CHST8: variants seen among roughly 807,000 people sequenced by gnomAD.
CHST8 encodes the protein carbohydrate sulfotransferase 8, also known as GALNAC-4-ST1.
In CHST8, 10 loss-of-function variants were observed where a neutral mutation model predicts 15.0. The ratio of observed to expected loss-of-function variants is 0.67; its 90% CI spans 0.41 to 1.13. The LOEUF is 1.13. Among genes scored for constraint, CHST8 ranks in the 50% most tolerant of loss-of-function variants. The pLI, the probability that CHST8 is intolerant of heterozygous loss-of-function variation, is 0.00. For missense variants in CHST8, 634 were observed against 608.2 expected (o/e 1.04, Z -0.45); for synonymous variants, 259 against 256.6 (o/e 1.01, Z -0.09).
At chr19:33,758,466 G>A (rs1258358446) in intron 3 of CHST8, among the ~76,000 whole-genome samples, 1 of 152,218 alleles carries the variant, frequency 6.6e-6, no homozygotes, top group Non-Finnish European at 1.5e-5. Context: ...GGCCTGCAGT[G>A]GGGGTCACTT....
chr19:33,691,721 G>A (rs943413961), intron 3 of CHST8, among the ~76,000 whole-genome samples: 5 of 152,218 alleles, frequency 3.3e-5, no homozygotes, highest in Non-Finnish European at 1.5e-5. Context: ...TGCATGGCTG[G>A]GTGGCCCCAA....
intron 3 of CHST8, among the ~76,000 whole-genome samples, chr19:33,718,759 G>A (rs529563738): frequency 2.0e-5 from 3 of 152,350 alleles, no homozygotes; most frequent in Admixed American, 6.5e-5. Context: ...GGTCAGAGCC[G>A]CAGCCTGCGG....
At chr19:33,736,379 G>A (rs996697255) in intron 3 of CHST8, among the ~76,000 whole-genome samples, 2 of 152,186 alleles carry the variant, frequency 1.3e-5, no homozygotes, top group African/African-American at 2.4e-5. Flanking sequence ...CCAGCTAACC[G>A]CTCCCAGGCC....
intron 3 of CHST8, among the ~76,000 whole-genome samples, chr19:33,756,457 G>A (rs551222851): frequency 5.3e-5 from 8 of 152,224 alleles, no homozygotes; most frequent in African/African-American, 1.9e-4. Flanking sequence ...GGTGCTGCTC[G>A]AGTCTGTCTC....
intron 1 of CHST8, among the ~76,000 whole-genome samples, chr19:33,644,607 G>C (rs1260450379): frequency 6.6e-6 from 1 of 152,064 alleles, no homozygotes; most frequent in Non-Finnish European, 1.5e-5. Flanking sequence ...CAGGCATGGT[G>C]GTGTGCACTT....
At chr19:33,666,400 C>T (rs1190747534) in intron 1 of CHST8, among the ~76,000 whole-genome samples, 2 of 152,208 alleles carry the variant, frequency 1.3e-5, no homozygotes, top group South Asian at 2.1e-4. Flanking sequence ...ATCTGTCTGC[C>T]TCGCGTTTCT....
chr19:33,670,032 T>C (rs1285477411), intron 2 of CHST8, among the ~76,000 whole-genome samples: 1 of 152,184 alleles, frequency 6.6e-6, no homozygotes, highest in Non-Finnish European at 1.5e-5. Context: ...TGCGTTTCTG[T>C]GTGTGTGAAT....
At chr19:33,647,418 T>G (rs1445907949) in intron 1 of CHST8, among the ~76,000 whole-genome samples, 4 of 152,176 alleles carry the variant, frequency 2.6e-5, no homozygotes, top group Non-Finnish European at 5.9e-5. Context: ...GGTTCTGCAA[T>G]GTGCTCCAGG....
At chr19:33,764,496 T>A (rs906531080) in intron 3 of CHST8, among the ~76,000 whole-genome samples, 2 of 152,134 alleles carry the variant, frequency 1.3e-5, no homozygotes, top group Non-Finnish European at 2.9e-5. Flanking sequence ...CAAGACTTTG[T>A]CTCTTCAAAC....
chr19:33,758,044 C>T (rs460191), intron 3 of CHST8, among the ~76,000 whole-genome samples: 35,013 of 151,278 alleles, frequency 0.23, 4,269 homozygotes, highest in Middle Eastern at 0.28. Flanking sequence ...GCCGGACTGA[C>T]GGCCAGAGCC....
intron 3 of CHST8, among the ~76,000 whole-genome samples, chr19:33,760,957 G>A (rs1974713548): frequency 6.6e-6 from 1 of 152,180 alleles, no homozygotes; most frequent in African/African-American, 2.4e-5. Context: ...GATGCTACTG[G>A]CCCGTATAGG....
chr19:33,682,187 G>GTTTTTTTTTTTTTT (rs869056900), intron 2 of CHST8, among the ~76,000 whole-genome samples: 3 of 95,266 alleles, frequency 3.1e-5, no homozygotes, highest in African/African-American at 1.3e-4. Context: ...TTTTGTTGTT[G>GTTTTTTTTTTTTTT]TTTTTTTTTT....
intron 1 of CHST8, among the ~76,000 whole-genome samples, chr19:33,654,197 A>G (rs1369257085): frequency 6.6e-6 from 1 of 152,180 alleles, no homozygotes; most frequent in Non-Finnish European, 1.5e-5. Flanking sequence ...GAGTGTTGAA[A>G]TCTACATGCT....
At chr19:33,689,138 C>T (rs3810363) in intron 2 of CHST8, 38 bp from the exon 3 acceptor site, 32 of 1,235,632 alleles carry the variant, frequency 2.6e-5, no homozygotes, top group East Asian at 2.0e-4. Context: ...CCGGGTGCCT[C>T]GCGCCTCGGT....
In CHST8 at chr19:33,725,780, G is replaced by A. The variant is rs113716692; in HGVS notation, c.130+36389G>A. Among the ~76,000 whole-genome samples, 524 of 152,292 alleles carry A rather than the reference G, an allele frequency of 3.4e-3. 5 individuals are homozygous for A. The highest frequency in any genetic ancestry group is 0.012 in the African/African-American group (507 of 41,562). On this transcript the variant is annotated intron_variant, in intron 3 of 4. Coordinates refer to ENST00000650847, the MANE Select transcript of CHST8 (RefSeq NM_001127895.2). ...AGCCTCGGCCAGCCCCTTATCTCTA[G>A]CCTCATCTTCTATATTCTCTCATCT...
intron 3 of CHST8, among the ~76,000 whole-genome samples, chr19:33,694,169 C>CACAT (rs1347962193): frequency 2.5e-5 from 1 of 40,170 alleles, no homozygotes; most frequent in African/African-American, 1.4e-4. Flanking sequence ...GTAGTTTATT[C>CACAT]ATATATATAT....
At chr19:33,675,493 T>C (rs763850083) in intron 2 of CHST8, among the ~76,000 whole-genome samples, 23 of 152,214 alleles carry the variant, frequency 1.5e-4, no homozygotes, top group Non-Finnish European at 3.2e-4. Flanking sequence ...GGGTTTTCTG[T>C]TTCTCGCTTC....
chr19:33,690,398 T>TA (rs1973078870), intron 3 of CHST8, among the ~76,000 whole-genome samples: 1 of 152,142 alleles, frequency 6.6e-6, no homozygotes, highest in Non-Finnish European at 1.5e-5. Flanking sequence ...GAAGGGGTCT[T>TA]ACTCTGCAAC....
At chr19:33,686,934 T>TGCAATAGCA (rs1158429041) in intron 2 of CHST8, among the ~76,000 whole-genome samples, 1 of 152,354 alleles carries the variant, frequency 6.6e-6, no homozygotes, top group South Asian at 2.1e-4. Context: ...CCCATGACCG[T>TGCAATAGCA]GCAATAGCAG....
Sources: allele counts gnomAD v4.1 joint callset (sites outside exome capture counted in the v4.1 genomes callset), GRCh38; gene constraint gnomAD v4.1.1; transcripts MANE v1.5; gene names NCBI Gene and HGNC (gene_info 2026-07-23, HGNC 2026-07-21).